The following EYS variants were observed in gnomAD, a reference collection of about 807,000 sequenced individuals.
EYS encodes protein eyes shut homolog.
A neutral mutation model predicts 282.1 loss-of-function variants in EYS; 250 were observed. The ratio of observed to expected loss-of-function variants is 0.89; its 90% CI spans 0.80 to 0.98. The LOEUF is 0.98. Ranked by LOEUF, EYS falls within the 50% of genes least tolerant of loss-of-function variation. The pLI is 0.00. For missense variants in EYS, 4,016 were observed against 3,709.0 expected (o/e 1.08, Z -2.15); for synonymous variants, 1,355 against 1,282.9 (o/e 1.06, Z -1.20).
intron 2 of EYS, among the ~76,000 whole-genome samples, chr6:65,626,360 T>C (rs1361026869): frequency 2.0e-5 from 3 of 152,190 alleles, no homozygotes; most frequent in Non-Finnish European, 2.9e-5. Flanking sequence ...GCCAAGATCA[T>C]AGTCTTTGTT....
At chr6:65,626,172 T>C (rs1324381399) in intron 2 of EYS, among the ~76,000 whole-genome samples, 2 of 152,200 alleles carry the variant, frequency 1.3e-5, no homozygotes, top group Admixed American at 6.5e-5. Flanking sequence ...AAAGCACTTA[T>C]AGTCAGACTA....
chr6:64,938,539 C>A (rs1321364398), intron 15 of EYS, among the ~76,000 whole-genome samples: 1 of 151,580 alleles, frequency 6.6e-6, no homozygotes, highest in Admixed American at 6.6e-5. Context: ...CTTGTCTTTA[C>A]AATGGGATAA....
At chr6:63,863,637 CTTT>C (rs200683473) in intron 36 of EYS, among the ~76,000 whole-genome samples, 1 of 133,086 alleles carries the variant, frequency 7.5e-6, no homozygotes, top group African/African-American at 3.0e-5. Context: ...CTCATTACCA[CTTT>C]TTCTTTTCTT....
At chr6:64,028,823 C>T (rs1769668122) in intron 33 of EYS, among the ~76,000 whole-genome samples, 1 of 152,202 alleles carries the variant, frequency 6.6e-6, no homozygotes, top group East Asian at 1.9e-4. Context: ...ATCTTTTGAA[C>T]TTTCTAGCTA....
intron 5 of EYS, among the ~76,000 whole-genome samples, chr6:65,406,732 C>T (rs1464346740): frequency 6.6e-6 from 1 of 151,842 alleles, no homozygotes; most frequent in African/African-American, 2.4e-5. Context: ...CTATTATATG[C>T]CTTTTTATGT....
At chr6:65,066,266 C>T (rs1251400250) in intron 12 of EYS, among the ~76,000 whole-genome samples, 1 of 152,198 alleles carries the variant, frequency 6.6e-6, no homozygotes, top group African/African-American at 2.4e-5. Flanking sequence ...AGTGAAATTA[C>T]ATAAATTTCT....
At chr6:65,697,624 T>C (rs181840386) in intron 1 of EYS, among the ~76,000 whole-genome samples, 6 of 152,232 alleles carry the variant, frequency 3.9e-5, no homozygotes, top group Admixed American at 3.3e-4. Flanking sequence ...AATAACAGTA[T>C]GTTTTCACTT....
intron 41 of EYS, among the ~76,000 whole-genome samples, chr6:63,760,557 C>G (rs1374349008): frequency 1.3e-5 from 2 of 151,956 alleles, no homozygotes; most frequent in East Asian, 3.9e-4. Flanking sequence ...CATTTTCTGG[C>G]ACCTTTAATG....
intron 35 of EYS, among the ~76,000 whole-genome samples, chr6:63,884,618 T>A (rs1773219226): frequency 6.6e-6 from 1 of 152,182 alleles, no homozygotes; most frequent in Non-Finnish European, 1.5e-5. Context: ...ACGCACCAAT[T>A]TTGTAAGTTT....
At chr6:63,756,201 G>T (rs975597620) in intron 41 of EYS, among the ~76,000 whole-genome samples, 1 of 152,136 alleles carries the variant, frequency 6.6e-6, no homozygotes, top group African/African-American at 2.4e-5. Context: ...TCCTTGTCTT[G>T]TGCCGGTTTT....
chr6:65,451,505 A>G (rs1481045938), intron 5 of EYS, among the ~76,000 whole-genome samples: 1 of 152,048 alleles, frequency 6.6e-6, no homozygotes, highest in East Asian at 1.9e-4. Context: ...AAGATACACA[A>G]TCACAGATCC....
At chr6:64,660,252 T>G (rs1464959846) in intron 22 of EYS, among the ~76,000 whole-genome samples, 1 of 152,114 alleles carries the variant, frequency 6.6e-6, no homozygotes, top group African/African-American at 2.4e-5. Context: ...TAATAAGAGC[T>G]ATCTATGACA....
chr6:65,162,821 T>C (rs1430847349), intron 12 of EYS, among the ~76,000 whole-genome samples: 1 of 151,146 alleles, frequency 6.6e-6, no homozygotes, highest in African/African-American at 2.4e-5. Flanking sequence ...GAAAATGTTT[T>C]GTTTTGTGAC....
At chr6:64,007,569 C>G (rs1254972068) in intron 33 of EYS, among the ~76,000 whole-genome samples, 1 of 151,906 alleles carries the variant, frequency 6.6e-6, no homozygotes, top group Non-Finnish European at 1.5e-5. Flanking sequence ...TCCAGTTCCT[C>G]TAGATGTGGT....
intron 12 of EYS, among the ~76,000 whole-genome samples, chr6:65,133,100 G>A (rs965968488): frequency 1.3e-5 from 2 of 151,938 alleles, no homozygotes; most frequent in African/African-American, 4.8e-5. Flanking sequence ...CTTATTGGTA[G>A]GAAGAATCAA....
At chr6:65,121,328 G>A (rs549624980) in intron 12 of EYS, among the ~76,000 whole-genome samples, 1 of 152,216 alleles carries the variant, frequency 6.6e-6, no homozygotes, top group South Asian at 2.1e-4. Context: ...GGAGACAAAG[G>A]AAGAGAACAA....
At chr6:64,072,853 G>T (rs1449057522) in intron 32 of EYS, among the ~76,000 whole-genome samples, 1 of 151,846 alleles carries the variant, frequency 6.6e-6, no homozygotes. Context: ...ATAGTGTAGG[G>T]TAGAACAGAA....
intron 7 of EYS, among the ~76,000 whole-genome samples, chr6:65,398,106 T>G (rs1279081459): frequency 2.6e-5 from 4 of 152,110 alleles, no homozygotes; most frequent in Non-Finnish European, 5.9e-5. Flanking sequence ...TGGGGTTATT[T>G]GATTTTTTCC....
At chr6:64,513,821 T>C (rs1777479386) in intron 26 of EYS, among the ~76,000 whole-genome samples, 1 of 151,838 alleles carries the variant, frequency 6.6e-6, no homozygotes, top group Non-Finnish European at 1.5e-5. Context: ...TAATTGTCAA[T>C]GGCGGCCCAA....
Sources: allele counts gnomAD v4.1 joint callset (sites outside exome capture counted in the v4.1 genomes callset), GRCh38; gene constraint gnomAD v4.1.1; transcripts MANE v1.5; gene names NCBI Gene and HGNC (gene_info 2026-07-23, HGNC 2026-07-21).